SOS2: variants seen among roughly 807,000 people sequenced by gnomAD.
SOS2 encodes SOS Ras/Rho guanine nucleotide exchange factor 2.
A neutral mutation model predicts 148.2 loss-of-function variants in SOS2; 65 were observed. The observed-to-expected ratio is 0.44, with a 90% CI of 0.36 to 0.54. The LOEUF is 0.54. Among genes scored for constraint, SOS2 ranks in the 20% least tolerant of loss-of-function variants. The pLI, the probability that SOS2 is intolerant of heterozygous loss-of-function variation, is 0.00. For synonymous variants in SOS2, 539 were observed against 537.1 expected, an observed-to-expected ratio of 1.00 and a Z score of -0.05; for missense variants, 1,341 against 1,590.2, an observed-to-expected ratio of 0.84 and a Z score of 2.67.
At chr14:50,211,527 G>A (rs533452721) in intron 1 of SOS2, among the ~76,000 whole-genome samples, 17 of 151,538 alleles carry the variant, frequency 1.1e-4, no homozygotes, top group Admixed American at 3.9e-4. Context: ...GCTCTCACCC[G>A]TAAATGAGAA....
At chr14:50,197,525 C>T (rs932117089) in intron 4 of SOS2, among the ~76,000 whole-genome samples, 2 of 152,060 alleles carry the variant, frequency 1.3e-5, no homozygotes, top group Admixed American at 1.3e-4. Context: ...AATTGAGGGA[C>T]ATTCTACACA....
intron 22 of SOS2, among the ~76,000 whole-genome samples, chr14:50,119,826 T>TTG: frequency 1.3e-5 from 2 of 148,644 alleles, no homozygotes; most frequent in East Asian, 2.0e-4. Flanking sequence ...TTTTTTTTTT[T>TTG]TGAGACAAGA....
intron 1 of SOS2, among the ~76,000 whole-genome samples, chr14:50,210,245 T>C (rs1200823010): frequency 6.6e-6 from 1 of 152,160 alleles, no homozygotes; most frequent in Admixed American, 6.5e-5. Context: ...TCCACATATA[T>C]ATAGACGCTT....
intron 8 of SOS2, among the ~76,000 whole-genome samples, chr14:50,171,548 G>T (rs902198343): frequency 6.6e-6 from 1 of 151,918 alleles, no homozygotes; most frequent in African/African-American, 2.4e-5. Flanking sequence ...GCTGGGCATG[G>T]TGACATGCAC....
intron 1 of SOS2, among the ~76,000 whole-genome samples, chr14:50,211,970 C>CA (rs1886886341): frequency 6.6e-6 from 1 of 151,810 alleles, no homozygotes; most frequent in African/African-American, 2.4e-5. Context: ...TACACACAGT[C>CA]AAAAAAATGC....
At chr14:50,209,839 T>C (rs1295156410) in intron 1 of SOS2, among the ~76,000 whole-genome samples, 1 of 151,932 alleles carries the variant, frequency 6.6e-6, no homozygotes, top group Non-Finnish European at 1.5e-5. Flanking sequence ...ACATGACTCC[T>C]AGGGAGAAAA....
chr14:50,165,307 C>T (rs747440897), intron 8 of SOS2, among the ~76,000 whole-genome samples: 2 of 152,144 alleles, frequency 1.3e-5, no homozygotes, highest in African/African-American at 2.4e-5. Context: ...AGGAACTGGT[C>T]AGTGAAGCAC....
At chr14:50,200,873 A>G (rs771104178) in intron 3 of SOS2, 80 bp downstream of exon 3, 3 of 1,378,392 alleles carry the variant, frequency 2.2e-6, no homozygotes, top group Non-Finnish European at 3.0e-6. Flanking sequence ...ACCATGCTAC[A>G]TTAATGCTTT....
intron 8 of SOS2, among the ~76,000 whole-genome samples, chr14:50,167,041 C>G (rs1163998700): frequency 2.6e-5 from 4 of 151,864 alleles, no homozygotes; most frequent in African/African-American, 9.7e-5. Flanking sequence ...GACTCCCTCT[C>G]TAAAAAGAAA....
At chr14:50,217,843 C>A (rs1199072840) in intron 1 of SOS2, among the ~76,000 whole-genome samples, 2 of 152,042 alleles carry the variant, frequency 1.3e-5, no homozygotes, top group Non-Finnish European at 2.9e-5. Flanking sequence ...GTAGTCCCAG[C>A]TACTCGGGAG....
intron 7 of SOS2, among the ~76,000 whole-genome samples, chr14:50,177,329 A>C (rs1212528158): frequency 1.3e-5 from 2 of 152,200 alleles, no homozygotes; most frequent in Admixed American, 6.5e-5. Flanking sequence ...CTAAATAAAT[A>C]AATAAATAAA....
intron 21 of SOS2, among the ~76,000 whole-genome samples, chr14:50,127,852 G>A (rs1883733103): frequency 6.6e-6 from 1 of 152,108 alleles, no homozygotes; most frequent in African/African-American, 2.4e-5. Context: ...GTAAATGAAT[G>A]GTATTAGACT....
chr14:50,137,105 T>C (rs1233216233), intron 18 of SOS2, among the ~76,000 whole-genome samples: 1 of 152,222 alleles, frequency 6.6e-6, no homozygotes, highest in East Asian at 1.9e-4. Context: ...TTCTGGTTGA[T>C]AGTTATAATA....
At chr14:50,187,230 T>C (rs1798252847) in intron 5 of SOS2, among the ~76,000 whole-genome samples, 1 of 152,068 alleles carries the variant, frequency 6.6e-6, no homozygotes, top group African/African-American at 2.4e-5. Flanking sequence ...CAGGCTGGTC[T>C]CAAATTCTTG....
At chr14:50,130,881 G>C in intron 19 of SOS2, 119 bp from the exon 20 acceptor site, 1 of 757,402 alleles carries the variant, frequency 1.3e-6, no homozygotes. Flanking sequence ...TAAGCGTGCA[G>C]TCCTTCAGTC....
chr14:50,166,671 T>C (rs1885178620), intron 8 of SOS2, among the ~76,000 whole-genome samples: 1 of 152,188 alleles, frequency 6.6e-6, no homozygotes, highest in Non-Finnish European at 1.5e-5. Context: ...TGTATGAGAA[T>C]TCACTGAAAT....
At position 50,174,532 on chromosome 14, in the gene SOS2, T is replaced by C. The variant is rs983494285; in HGVS notation, c.990A>G (p.Lys330=). 6.2e-7 allele frequency: 1 copy of C among 1,608,598 alleles called. No individual in the cohort carries two copies. The highest frequency in any genetic ancestry group is 8.5e-7 in the Non-Finnish European group (1 of 1,176,288). ...LHFQSIADGF[K]EAVRYVLPRL... The stretch of plus-strand genomic sequence containing the variant: ...GTGGAAGGACATAACGAACTGCCTC[T>C]TTAAAACCATCAGCAATGGACTGCA... Residue 330 remains lysine, a synonymous_variant, in exon 8 of 23, where the codon AAA becomes AAG. Transcript: ENST00000216373.
At chr14:50,146,369 T>C (rs1316359419) in intron 14 of SOS2, among the ~76,000 whole-genome samples, 1 of 151,614 alleles carries the variant, frequency 6.6e-6, no homozygotes. Context: ...AAGAGCCAGG[T>C]GCAGCAGCTC....
chr14:50,138,842 C>A (rs1272349045), intron 17 of SOS2, 58 bp from the exon 18 acceptor site: 34 of 657,868 alleles, frequency 5.2e-5, no homozygotes, highest in Non-Finnish European at 7.4e-5. Flanking sequence ...GTTATTTAAT[C>A]AATTATTTGG....
Sources: gnomAD v4.1 joint callset for allele counts (sites outside exome capture counted in the v4.1 genomes callset) on GRCh38, gnomAD v4.1.1 for gene constraint, MANE v1.5 for transcripts, NCBI Gene and HGNC (gene_info 2026-07-23, HGNC 2026-07-21) for gene names.